KHDRBS3: variants seen among roughly 807,000 people sequenced by gnomAD.
The protein encoded by KHDRBS3 is KH domain-containing, RNA-binding, signal transduction-associated protein 3.
Under a neutral mutation model 45.6 loss-of-function variants are expected in KHDRBS3, and 23 were observed. That is an observed-to-expected ratio of 0.50 (90% CI 0.36 to 0.72). The LOEUF is 0.72. Among genes scored for constraint, KHDRBS3 ranks in the 30% least tolerant of loss-of-function variants. The probability of loss-of-function intolerance (pLI) is 0.00; values close to 1 mark genes in which losing one functional copy is unlikely to be tolerated. For missense variants in KHDRBS3, 352 were observed against 424.8 expected (o/e 0.83, Z 1.51); for synonymous variants, 162 against 156.5 (o/e 1.04, Z -0.26).
chr8:135,630,900 G>A (rs1830569946), intron 7 of KHDRBS3, among the ~76,000 whole-genome samples: 1 of 152,170 alleles, frequency 6.6e-6, no homozygotes, highest in Non-Finnish European at 1.5e-5. Context: ...ACGTTACTAT[G>A]CACTATTGTA....
chr8:135,524,003 G>C (rs1825049850), intron 2 of KHDRBS3, among the ~76,000 whole-genome samples: 1 of 151,724 alleles, frequency 6.6e-6, no homozygotes, highest in Non-Finnish European at 1.5e-5. Context: ...TTATTTTAAT[G>C]AGTGATACTG....
At chr8:135,542,484 C>G in intron 2 of KHDRBS3, 170 bp from the exon 3 acceptor site, 1 of 507,974 alleles carries the variant, frequency 2.0e-6, no homozygotes, top group East Asian at 3.1e-5. Flanking sequence ...ACGTTTAGCC[C>G]CGTTTTATGT....
downstream of KHDRBS3, among the ~76,000 whole-genome samples, chr8:135,649,209 A>G (rs1563832640): frequency 6.6e-6 from 1 of 152,160 alleles, no homozygotes; most frequent in African/African-American, 2.4e-5. Context: ...CTAAAGCATC[A>G]AAAAATACTA....
Position 135,580,909 on chromosome 8 carries a change from G to A in KHDRBS3, c.612-969G>A, listed in dbSNP as rs544993949. Among the ~76,000 whole-genome samples, 12 of 152,178 alleles carry A rather than the reference G, an allele frequency of 7.9e-5. No individual in the cohort carries two copies. In the South Asian group the frequency reaches 1.5e-3, roughly 18 times the overall value. ...ATTACAGGCCTGAGCCGTCACACCC[G>A]GCCAAAACCCTCTTCATTTCTGATA... On this transcript the variant is annotated intron_variant, in intron 5 of 8. Transcript: ENST00000355849.
intron 7 of KHDRBS3, among the ~76,000 whole-genome samples, chr8:135,632,019 G>A (rs1351775106): frequency 1.3e-5 from 2 of 152,272 alleles, no homozygotes; most frequent in South Asian, 2.1e-4. Flanking sequence ...ATATGGTCTG[G>A]CATTGAATGA....
chr8:135,526,945 T>C (rs17602352), intron 2 of KHDRBS3, among the ~76,000 whole-genome samples: 19,321 of 151,754 alleles, frequency 0.13, 1,526 homozygotes, highest in Non-Finnish European at 0.2. Context: ...TTTTTTTTTT[T>C]GCAGATAAAC....
intron 6 of KHDRBS3, among the ~76,000 whole-genome samples, chr8:135,603,222 C>T (rs956866046): frequency 1.3e-5 from 2 of 152,234 alleles, no homozygotes; most frequent in Non-Finnish European, 2.9e-5. Flanking sequence ...CACCTCATGT[C>T]ATCCTACTTA....
intron 7 of KHDRBS3, among the ~76,000 whole-genome samples, chr8:135,611,423 A>G (rs1829700628): frequency 6.6e-6 from 1 of 151,914 alleles, no homozygotes; most frequent in African/African-American, 2.4e-5. Context: ...ACACTGAATA[A>G]CTGCTCTGCT....
At chr8:135,626,729 G>A (rs983675218) in intron 7 of KHDRBS3, among the ~76,000 whole-genome samples, 2 of 150,882 alleles carry the variant, frequency 1.3e-5, no homozygotes, top group East Asian at 2.0e-4. Flanking sequence ...GCGTGAACCC[G>A]GGAGGCGGAG....
At chr8:135,651,708 G>C (rs1271384544), downstream of KHDRBS3, among the ~76,000 whole-genome samples, 1 of 152,170 alleles carries the variant, frequency 6.6e-6, no homozygotes, top group African/African-American at 2.4e-5. Context: ...ATTTTACAGT[G>C]CCTTAAAAAA....
intron 1 of KHDRBS3, among the ~76,000 whole-genome samples, chr8:135,480,557 C>T (rs1380531831): frequency 6.6e-6 from 1 of 151,946 alleles, no homozygotes; most frequent in Admixed American, 6.6e-5. Flanking sequence ...TGTGTAAGTA[C>T]CACCTGTACA....
intron 6 of KHDRBS3, among the ~76,000 whole-genome samples, chr8:135,604,925 CTTTTT>C (rs752256918): frequency 7.0e-6 from 1 of 143,248 alleles, no homozygotes; most frequent in African/African-American, 2.6e-5. Flanking sequence ...AGTTGACAGT[CTTTTT>C]TTTTTTCTTA....
chr8:135,550,077 T>C (rs775751082), intron 4 of KHDRBS3: 9 of 152,140 alleles, frequency 5.9e-5, no homozygotes, highest in Admixed American at 1.3e-4. Flanking sequence ...TATGAGTCAG[T>C]TTTTCATATA....
At chr8:135,572,069 C>A (rs940408638) in intron 5 of KHDRBS3, among the ~76,000 whole-genome samples, 2 of 152,180 alleles carry the variant, frequency 1.3e-5, no homozygotes, top group African/African-American at 4.8e-5. Context: ...TTAAACTTAT[C>A]TATTATCAAA....
intron 1 of KHDRBS3, among the ~76,000 whole-genome samples, chr8:135,494,350 C>T (rs1823319191): frequency 7.0e-6 from 1 of 142,854 alleles, no homozygotes; most frequent in Non-Finnish European, 1.5e-5. Flanking sequence ...GTGATCTCGG[C>T]TCACTGCAAG....
chr8:135,631,232 C>T (rs577305030), intron 7 of KHDRBS3, among the ~76,000 whole-genome samples: 5 of 110,534 alleles, frequency 4.5e-5, no homozygotes, highest in African/African-American at 7.0e-5. Flanking sequence ...GCCTGGGCAA[C>T]AGAGCGAGAC....
chr8:135,555,466 A>G (rs555855836), intron 4 of KHDRBS3, among the ~76,000 whole-genome samples: 16 of 152,036 alleles, frequency 1.1e-4, no homozygotes, highest in South Asian at 8.3e-4. Flanking sequence ...GGACCAGTGA[A>G]GCCAAAAAAA....
intron 7 of KHDRBS3, among the ~76,000 whole-genome samples, chr8:135,633,295 G>A (rs1830680633): frequency 6.6e-6 from 1 of 152,190 alleles, no homozygotes; most frequent in African/African-American, 2.4e-5. Flanking sequence ...GACTCAGCCT[G>A]GTCTCACTAG....
At chr8:135,563,397 C>G (rs1311975479) in intron 5 of KHDRBS3, among the ~76,000 whole-genome samples, 3 of 152,216 alleles carry the variant, frequency 2.0e-5, no homozygotes, top group Non-Finnish European at 4.4e-5. Flanking sequence ...ATCGCATCCT[C>G]AGCATACACG....
Sources: allele counts gnomAD v4.1 joint callset (sites outside exome capture counted in the v4.1 genomes callset), GRCh38; gene constraint gnomAD v4.1.1; transcripts MANE v1.5; gene names NCBI Gene and HGNC (gene_info 2026-07-23, HGNC 2026-07-21).